OXR1: variants seen among roughly 807,000 people sequenced by gnomAD.
OXR1 encodes the protein oxidation resistance protein 1.
OXR1 carries 41 observed loss-of-function variants against 104.6 expected under a neutral mutation model. The observed-to-expected ratio is 0.39, with a 90% confidence interval of 0.31 to 0.51. OXR1 has a LOEUF of 0.51. Ranked by LOEUF, OXR1 falls within the 20% of genes least tolerant of loss-of-function variation. The probability of loss-of-function intolerance (pLI) is 0.77; values close to 1 mark genes in which losing one functional copy is unlikely to be tolerated. For missense variants in OXR1, 955 were observed against 1,031.9 expected (o/e 0.93, Z 1.02); for synonymous variants, 348 against 348.4 (o/e 1.00, Z 0.01).
intron 1 of OXR1, among the ~76,000 whole-genome samples, chr8:106,334,904 G>A (rs1002265433): frequency 2.0e-5 from 3 of 151,932 alleles, no homozygotes; most frequent in South Asian, 2.1e-4. Flanking sequence ...TCAGTGGTTC[G>A]GCATTGACTT....
chr8:106,359,699 AG>A, intron 2 of OXR1, 63 bp downstream of exon 2: 1 of 1,167,264 alleles, frequency 8.6e-7, no homozygotes, highest in Non-Finnish European at 1.3e-6. Flanking sequence ...GTATTTTCTG[AG>A]GGAGTCGTAC....
chr8:106,751,449 T>G lies in OXR1; in HGVS notation c.*508T>G, dbSNP rs1483524923. Reference sequence around the variant, plus strand: ...ATCACTTGCCAAAATAATACATACTTCATAGACCACTGAGTTCTAGTTTTT... The same window carrying G: ...ATCACTTGCCAAAATAATACATACTGCATAGACCACTGAGTTCTAGTTTTT... On this transcript the variant is annotated 3_prime_UTR_variant, in exon 17 of 17. Transcript: ENST00000517566. 1 of 152,670 alleles carries G rather than the reference T, an allele frequency of 6.6e-6. No homozygotes were observed. Among genetic ancestry groups the G allele is most frequent in the Non-Finnish European group, 1.5e-5 (1 of 68,060 alleles). 9.5% of individuals were successfully genotyped at this position (152,670 alleles called of 1,614,324 possible). A position where few individuals can be genotyped will look rare whatever the true frequency, so the allele number is the denominator to read the frequency against.
At chr8:106,480,051 A>T (rs1822021225) in intron 2 of OXR1, among the ~76,000 whole-genome samples, 1 of 151,930 alleles carries the variant, frequency 6.6e-6, no homozygotes, top group South Asian at 2.1e-4. Context: ...CTATGTTTTT[A>T]ACAACTATGG....
chr8:106,697,459 T>A (rs945155018), intron 7 of OXR1: 1 of 1,581,006 alleles, frequency 6.3e-7, no homozygotes, highest in African/African-American at 1.3e-5. Context: ...TAGCCAGTCA[T>A]GCCTGCCTGA....
At chr8:106,489,448 T>C (rs1003694660) in intron 2 of OXR1, among the ~76,000 whole-genome samples, 2 of 152,142 alleles carry the variant, frequency 1.3e-5, no homozygotes, top group Admixed American at 6.5e-5. Flanking sequence ...GAGATAGATT[T>C]CCTTTAATAA....
intron 1 of OXR1, among the ~76,000 whole-genome samples, chr8:106,340,869 T>G (rs1322857276): frequency 2.9e-5 from 4 of 136,382 alleles, no homozygotes; most frequent in Non-Finnish European, 6.0e-5. Context: ...TCTTAAAGCC[T>G]CTGTATTATT....
chr8:106,360,032 G>T (rs13277825), intron 2 of OXR1, among the ~76,000 whole-genome samples: 70,204 of 151,850 alleles, frequency 0.46, 16,415 homozygotes, highest in African/African-American at 0.53. Context: ...GTACTTCTTT[G>T]CTTCAGGTTT....
chr8:106,610,020 A>G (rs867455509), intron 3 of OXR1, among the ~76,000 whole-genome samples: 5 of 152,198 alleles, frequency 3.3e-5, no homozygotes, highest in Admixed American at 6.5e-5. Flanking sequence ...AGATTATCAT[A>G]AACTCTAGAC....
intron 7 of OXR1, among the ~76,000 whole-genome samples, chr8:106,694,524 A>AAAT (rs1829662738): frequency 7.5e-6 from 1 of 132,556 alleles, no homozygotes; most frequent in Non-Finnish European, 1.6e-5. Context: ...TTGATATATA[A>AAAT]ATATGTTTAT....
chr8:106,413,724 C>CT (rs147530944), intron 2 of OXR1, among the ~76,000 whole-genome samples: 19,707 of 73,302 alleles, frequency 0.27, 1,779 homozygotes, highest in African/African-American at 0.51. Context: ...GCTGTATCTA[C>CT]TTTTTTTTTT....
At position 106,455,074 on chromosome 8, in the gene OXR1, T is replaced by C. The variant is rs183617932; in HGVS notation, c.24-63869T>C. Among the ~76,000 whole-genome samples, 5 of 152,316 alleles carry C rather than the reference T, an allele frequency of 3.3e-5. No individual in the cohort carries two copies. In the East Asian group the frequency reaches 9.7e-4, roughly 29 times the overall value. ...ATTAAATATGGTTTGATATATTTCCTTCCTTTTATTTGCTTATGGAGTGGT... is the reference window on the plus strand; with the variant it reads ...ATTAAATATGGTTTGATATATTTCCCTCCTTTTATTTGCTTATGGAGTGGT... On this transcript the variant is annotated intron_variant, in intron 2 of 16. Transcript: ENST00000517566.
chr8:106,292,641 A>G (rs1036817834), intron 1 of OXR1, among the ~76,000 whole-genome samples: 6 of 152,180 alleles, frequency 3.9e-5, no homozygotes, highest in Non-Finnish European at 2.9e-5. Flanking sequence ...TGAAGAAAAC[A>G]TATTCTGATA....
chr8:106,532,253 T>A (rs1284964703), intron 3 of OXR1, among the ~76,000 whole-genome samples: 1 of 152,218 alleles, frequency 6.6e-6, no homozygotes, highest in Non-Finnish European at 1.5e-5. Flanking sequence ...TGGTTGGGAA[T>A]TTATGTGCCT....
intron 2 of OXR1, among the ~76,000 whole-genome samples, chr8:106,459,545 A>G (rs1586668063): frequency 1.3e-5 from 2 of 152,304 alleles, no homozygotes; most frequent in South Asian, 4.1e-4. Context: ...ATCTGAAAAA[A>G]AAAATAATTA....
At chr8:106,548,028 A>AT (rs1586792437) in intron 3 of OXR1, among the ~76,000 whole-genome samples, 1 of 152,012 alleles carries the variant, frequency 6.6e-6, no homozygotes, top group South Asian at 2.1e-4. Context: ...TCTATTTTTA[A>AT]TTTTTTGAGG....
intron 2 of OXR1, among the ~76,000 whole-genome samples, chr8:106,387,557 A>T (rs1817425864): frequency 6.6e-6 from 1 of 152,168 alleles, no homozygotes; most frequent in African/African-American, 2.4e-5. Flanking sequence ...ATAAATCTTT[A>T]TAAAAGTGAC....
At chr8:106,642,441 T>C (rs191717173) in intron 3 of OXR1, among the ~76,000 whole-genome samples, 1 of 152,294 alleles carries the variant, frequency 6.6e-6, no homozygotes, top group African/African-American at 2.4e-5. Context: ...AGGACCTAGG[T>C]ACCTTCTATC....
intron 3 of OXR1, among the ~76,000 whole-genome samples, chr8:106,658,346 G>C (rs1388552696): frequency 6.6e-6 from 1 of 152,174 alleles, no homozygotes; most frequent in Non-Finnish European, 1.5e-5. Context: ...CGGGGGCGAG[G>C]AAGGAAGGAC....
intron 2 of OXR1, among the ~76,000 whole-genome samples, chr8:106,369,458 A>G (rs759130931): frequency 1.5e-4 from 23 of 152,228 alleles, no homozygotes; most frequent in Admixed American, 2.6e-4. Context: ...CGTTTTAGTC[A>G]TGAAGCCTTT....
Sources: allele counts gnomAD v4.1 joint callset (sites outside exome capture counted in the v4.1 genomes callset), GRCh38; gene constraint gnomAD v4.1.1; transcripts MANE v1.5; gene names NCBI Gene and HGNC (gene_info 2026-07-23, HGNC 2026-07-21).